The following EFCAB13 variants were observed in gnomAD, a reference collection of about 807,000 sequenced individuals.
The protein encoded by EFCAB13 is EF-hand calcium-binding domain-containing protein 13.
A neutral mutation model predicts 110.2 loss-of-function variants in EFCAB13; 91 were observed. That is an observed-to-expected ratio of 0.83 (90% CI 0.70 to 0.98). The LOEUF is 0.98. Among genes scored for constraint, EFCAB13 ranks in the 50% least tolerant of loss-of-function variants. The pLI is 0.00. For synonymous variants in EFCAB13, 323 were observed against 369.9 expected (o/e 0.87, Z 1.45); for missense variants, 968 against 1,119.4 (o/e 0.86, Z 1.93).
At chr17:47,410,675 A>G (rs1271967326) in intron 21 of EFCAB13, among the ~76,000 whole-genome samples, 1 of 152,252 alleles carries the variant, frequency 6.6e-6, no homozygotes, top group Non-Finnish European at 1.5e-5. Context: ...ACATGCTTCC[A>G]AAACACACAG....
At chr17:47,401,592 G>C (rs2065778942) in intron 17 of EFCAB13, among the ~76,000 whole-genome samples, 1 of 150,854 alleles carries the variant, frequency 6.6e-6, no homozygotes, top group Non-Finnish European at 1.5e-5. Flanking sequence ...TTGGGAATAT[G>C]GATTATATTG....
Position 47,365,540 on chromosome 17 carries a change from A to G in EFCAB13, c.805+4019A>G, listed in dbSNP as rs144614507. ...ATAGTAGTGGCTCAGTAGTGGAGGA[A>G]GAAGATGGATAGAACCTAAGAGTGA... On this transcript the variant is annotated intron_variant, in intron 10 of 24. Coordinates refer to ENST00000331493, the MANE Select transcript of EFCAB13 (RefSeq NM_152347.5). 2.7e-3 allele frequency among the ~76,000 whole-genome samples: 408 copies of G among 152,314 alleles called. 2 individuals are homozygous for G. Among genetic ancestry groups the G allele is most frequent in the Admixed American group, 5.1e-3 (78 of 15,302 alleles).
In EFCAB13 at chr17:47,344,192, GAGA is replaced by G; in HGVS notation, c.337_339del (p.Lys113del). 2 of 1,613,098 alleles carry G rather than the reference GAGA, an allele frequency of 1.2e-6. No homozygotes were observed. The highest frequency in any genetic ancestry group is 1.1e-5 in the South Asian group (1 of 91,008). On this transcript the variant is annotated inframe_deletion, in exon 7 of 25. Transcript: ENST00000331493. Reference sequence around the variant, plus strand: ...CCCTCCTTTTCTGAAGCTGTCAAAGGAGAAGGTGACAAGGAAAGAAAACTCTTT... The same window carrying G: ...CCCTCCTTTTCTGAAGCTGTCAAAGGAGGTGACAAGGAAAGAAAACTCTTT...
intron 9 of EFCAB13, among the ~76,000 whole-genome samples, chr17:47,359,445 A>G (rs983124139): frequency 4.0e-5 from 6 of 151,896 alleles, no homozygotes; most frequent in Admixed American, 6.6e-5. Context: ...TTAGTTTATT[A>G]TATGATGAAT....
chr17:47,360,254 T>C (rs2065505264), intron 9 of EFCAB13, among the ~76,000 whole-genome samples: 1 of 152,116 alleles, frequency 6.6e-6, no homozygotes, highest in South Asian at 2.1e-4. Context: ...AGTGTAAAAG[T>C]GTTCCTATTT....
At chr17:47,328,487 G>C (rs1479411654) in intron 4 of EFCAB13, 104 bp downstream of exon 4, 2 of 927,582 alleles carry the variant, frequency 2.2e-6, no homozygotes, top group South Asian at 1.8e-5. Flanking sequence ...TAGAGTAATA[G>C]TTATAAGGAA....
chr17:47,324,114 CG>C (rs2143192338), intron 1 of EFCAB13, 40 bp downstream of exon 1: 1 of 152,220 alleles, frequency 6.6e-6, no homozygotes, highest in Non-Finnish European at 1.5e-5. Context: ...GGAGGGGAGG[CG>C]AGACCCGCTG....
chr17:47,357,098 C>A (rs891453986), intron 9 of EFCAB13, among the ~76,000 whole-genome samples: 1 of 152,204 alleles, frequency 6.6e-6, no homozygotes, highest in Non-Finnish European at 1.5e-5. Context: ...ACCTGTAGCA[C>A]CGAGTTTATT....
Position 47,346,433 on chromosome 17 carries a change from ACC to A in EFCAB13, c.517+1345_517+1346del, listed in dbSNP as rs60932759. Among the ~76,000 whole-genome samples the A allele has an allele frequency of 9.5e-5, 9 of 94,358 alleles. No homozygotes were observed. In the East Asian group the frequency reaches 1.2e-3, roughly 12 times the overall value. The allele number at this position is 94,358 out of a possible 152,430, so 61.9% of individuals were successfully genotyped here. On this transcript the variant is annotated intron_variant, in intron 8 of 24. Transcript: ENST00000331493. Reference sequence around the variant, plus strand: ...CTGTCATATGTATATAACGTACTTTACCCCCCCCCCCATTTATCTGACATTTA... The same window carrying A: ...CTGTCATATGTATATAACGTACTTTACCCCCCCCCATTTATCTGACATTTA...
At position 47,412,877 on chromosome 17, in the gene EFCAB13, G is replaced by A; in HGVS notation, c.2383G>A (p.Glu795Lys). 6.2e-7 allele frequency: 1 copy of A among 1,613,810 alleles called. No individual in the cohort carries two copies. The highest frequency in any genetic ancestry group is 8.5e-7 in the Non-Finnish European group (1 of 1,179,828). ...LKCLNVNLTE[E>K]DFNEALNCCN... ...ATGTTTGAATGTTAATTTAACTGAG[G>A]AGGACTTCAATGAAGCCCTTAACTG... The change falls in exon 22 of 25, where the codon GAG becomes AAG. Residue 795 changes from glutamate to lysine, a missense_variant. Glu to Lys is a moderately conservative substitution (Grantham distance 56). Transcript: ENST00000331493.
rs886256703 is a variant in EFCAB13 at position 47,377,572 on chromosome 17, G to T, written c.1373-194G>T. On this transcript the variant is annotated intron_variant, in intron 12 of 24. Transcript: ENST00000331493. ...GTTTATAGAATGTTAGGACGGTTCTGTGTTTGAGCTGTAAGAGAAAGATTA... is the reference window on the plus strand; with the variant it reads ...GTTTATAGAATGTTAGGACGGTTCTTTGTTTGAGCTGTAAGAGAAAGATTA... 4 of 388,012 alleles carry T rather than the reference G, an allele frequency of 1.0e-5. No individual in the cohort carries two copies. In the South Asian group the frequency reaches 2.8e-4, roughly 27 times the overall value. 24.0% of individuals were successfully genotyped at this position (388,012 alleles called of 1,614,324 possible).
In EFCAB13 at chr17:47,361,416, G is replaced by A. The variant is rs199766435; in HGVS notation, c.700G>A (p.Gly234Ser). Residue 234 changes from glycine to serine, a missense_variant, in exon 10 of 25, where the codon GGT becomes AGT. Gly to Ser is a moderately conservative substitution (Grantham distance 56, BLOSUM62 0). Transcript: ENST00000331493. ...DALKIFCRIK[G>S]GRVSTDDVFA... ...CTTGAAGATTTTCTGTAGGATAAAA[G>A]GTGGTCGAGTTTCAACTGATGACGT... The A allele has an allele frequency of 9.9e-5, 160 of 1,613,758 alleles. No homozygotes were observed. Among genetic ancestry groups the A allele is most frequent in the Non-Finnish European group, 1.3e-4 (153 of 1,179,798 alleles).
chr17:47,407,959 A>G (rs953265963), intron 20 of EFCAB13, among the ~76,000 whole-genome samples: 1 of 152,192 alleles, frequency 6.6e-6, no homozygotes, highest in African/African-American at 2.4e-5. Flanking sequence ...TATGTGTTAT[A>G]TGTGCCCACA....
chr17:47,362,215 C>A (rs1411851415), intron 10 of EFCAB13, among the ~76,000 whole-genome samples: 1 of 151,956 alleles, frequency 6.6e-6, no homozygotes, highest in East Asian at 1.9e-4. Flanking sequence ...TAGTTTGTAG[C>A]AATTACTCTT....
intron 23 of EFCAB13, among the ~76,000 whole-genome samples, chr17:47,421,334 C>T (rs1216454293): frequency 1.3e-5 from 2 of 152,118 alleles, no homozygotes; most frequent in East Asian, 1.9e-4. Context: ...TGTGACCTTA[C>T]CCCCAACCCT....
At chr17:47,392,938 GA>G (rs2143414581) in intron 15 of EFCAB13, among the ~76,000 whole-genome samples, 1 of 152,320 alleles carries the variant, frequency 6.6e-6, no homozygotes, top group African/African-American at 2.4e-5. Context: ...CAACAGTGAT[GA>G]TTATCGTAGA....
chr17:47,429,241 G>A (rs1282394547), intron 23 of EFCAB13, among the ~76,000 whole-genome samples: 1 of 152,042 alleles, frequency 6.6e-6, no homozygotes, highest in Non-Finnish European at 1.5e-5. Context: ...ATGCTTATAG[G>A]TTATTCATCA....
chr17:47,330,897 A>G (rs2065316325), intron 4 of EFCAB13, among the ~76,000 whole-genome samples: 1 of 151,824 alleles, frequency 6.6e-6, no homozygotes, highest in Non-Finnish European at 1.5e-5. Context: ...TGTGGAAATT[A>G]TACTAATTTA....
chr17:47,334,091 G>T (rs1012908898), intron 4 of EFCAB13, among the ~76,000 whole-genome samples: 10 of 151,620 alleles, frequency 6.6e-5, no homozygotes, highest in African/African-American at 2.4e-4. Flanking sequence ...TCATTTATTT[G>T]TGTCTTCTTC....
Sources: allele counts gnomAD v4.1 joint callset (sites outside exome capture counted in the v4.1 genomes callset), GRCh38; gene constraint gnomAD v4.1.1; transcripts MANE v1.5; gene names NCBI Gene and HGNC (gene_info 2026-07-23, HGNC 2026-07-21).